Variants in MOB3B observed in about 807,000 individuals in gnomAD.
MOB3B encodes MOB kinase activator 3B.
MOB3B carries 7 observed loss-of-function variants against 18.7 expected under a neutral mutation model. The observed-to-expected ratio is 0.37, with a 90% CI of 0.21 to 0.70. The LOEUF is 0.70. MOB3B is among the 30% of genes least tolerant of loss of function. The pLI, the probability that MOB3B is intolerant of heterozygous loss-of-function variation, is 0.52. For missense variants in MOB3B, 253 were observed against 281.3 expected (o/e 0.90, Z 0.72); for synonymous variants, 111 against 99.9 (o/e 1.11, Z -0.66).
chr9:27,416,896 T>C (rs1383874814), intron 2 of MOB3B, among the ~76,000 whole-genome samples: 1 of 152,142 alleles, frequency 6.6e-6, no homozygotes, highest in Non-Finnish European at 1.5e-5. Flanking sequence ...TCCACGTCTG[T>C]AAATGTGCTT....
intron 1 of MOB3B, among the ~76,000 whole-genome samples, chr9:27,499,990 G>A (rs184013190): frequency 4.6e-5 from 7 of 152,172 alleles, no homozygotes; most frequent in African/African-American, 1.4e-4. Flanking sequence ...ATACAAAGTC[G>A]GTCTCAAGTT....
intron 1 of MOB3B, among the ~76,000 whole-genome samples, chr9:27,514,565 C>T (rs1291112893): frequency 6.6e-6 from 1 of 152,034 alleles, no homozygotes; most frequent in African/African-American, 2.4e-5. Context: ...GATTATTTTC[C>T]CAGAAGTTCC....
In MOB3B at chr9:27,458,963, T is replaced by A. The variant is rs552235089; in HGVS notation, c.-198-3215A>T. ...AGGCTGTCTCTTTAGGTCAAACTTTTGAATCTAAAATGAAGCTTTCTTAAG... is the reference window on the plus strand; with the variant it reads ...AGGCTGTCTCTTTAGGTCAAACTTTAGAATCTAAAATGAAGCTTTCTTAAG... On this transcript the variant is annotated intron_variant, in intron 1 of 3. Coordinates refer to ENST00000262244, the MANE Select transcript of MOB3B (RefSeq NM_024761.5). Among the ~76,000 whole-genome samples the A allele has an allele frequency of 9.7e-4, 147 of 152,126 alleles. 2 individuals carry two copies. The highest frequency in any genetic ancestry group is 3.4e-3 in the African/African-American group (143 of 41,470).
At chr9:27,506,743 G>C (rs1370221223) in intron 1 of MOB3B, among the ~76,000 whole-genome samples, 1 of 151,860 alleles carries the variant, frequency 6.6e-6, no homozygotes, top group Non-Finnish European at 1.5e-5. Context: ...TGTTAGCCAG[G>C]ATGGTCTCGA....
At chr9:27,411,766 T>C (rs1481777017) in intron 2 of MOB3B, among the ~76,000 whole-genome samples, 2 of 152,212 alleles carry the variant, frequency 1.3e-5, no homozygotes, top group African/African-American at 4.8e-5. Flanking sequence ...TATATGACAA[T>C]ATACATTTGC....
At chr9:27,350,188 A>G (rs1821084869) in intron 3 of MOB3B, among the ~76,000 whole-genome samples, 1 of 151,660 alleles carries the variant, frequency 6.6e-6, no homozygotes, top group Admixed American at 6.6e-5. Context: ...TAGAAAAGTG[A>G]CACATGTTTG....
chr9:27,529,034 G>A (rs550985750), intron 1 of MOB3B, among the ~76,000 whole-genome samples: 1 of 152,198 alleles, frequency 6.6e-6, no homozygotes, highest in South Asian at 2.1e-4. Flanking sequence ...CGTCAGCCCC[G>A]GGGGCGACCT....
chr9:27,420,561 AT>A (rs1822230756), intron 2 of MOB3B, among the ~76,000 whole-genome samples: 1 of 80,322 alleles, frequency 1.2e-5, no homozygotes, highest in Non-Finnish European at 2.8e-5. Flanking sequence ...ATATATATAT[AT>A]ATATATATAT....
intron 2 of MOB3B, among the ~76,000 whole-genome samples, chr9:27,360,179 C>G (rs1223843522): frequency 6.6e-6 from 1 of 152,158 alleles, no homozygotes; most frequent in Non-Finnish European, 1.5e-5. Context: ...CCTCCCTTTT[C>G]TCTACAAGGT....
In MOB3B at chr9:27,368,353, TACACACACACAC is replaced by T. The variant is rs138287792; in HGVS notation, c.419-9129_419-9118del. The stretch of plus-strand genomic sequence containing the variant: ...ATACATATATATACACACACATACA[TACACACACACAC>T]ACACACACACACACACACACATACA... On this transcript the variant is annotated intron_variant, in intron 2 of 3. Transcript: ENST00000262244. Among the ~76,000 whole-genome samples the T allele has an allele frequency of 3.4e-4, 49 of 145,984 alleles. 1 individual carries two copies. The East Asian group carries it at 5.0e-3, about 15-fold the overall frequency.
intron 2 of MOB3B, among the ~76,000 whole-genome samples, chr9:27,430,836 G>A (rs929038883): frequency 3.3e-5 from 5 of 151,078 alleles, no homozygotes; most frequent in African/African-American, 7.3e-5. Flanking sequence ...TCTTACCACC[G>A]TGACATTAAC....
At chr9:27,475,454 C>A (rs1819539750) in intron 1 of MOB3B, among the ~76,000 whole-genome samples, 2 of 152,214 alleles carry the variant, frequency 1.3e-5, no homozygotes, top group Non-Finnish European at 2.9e-5. Flanking sequence ...CTGTTTAAGC[C>A]TCATTGTTTA....
intron 2 of MOB3B, among the ~76,000 whole-genome samples, chr9:27,389,347 T>G (rs1321095045): frequency 6.8e-6 from 1 of 146,904 alleles, no homozygotes; most frequent in African/African-American, 2.5e-5. Flanking sequence ...CCTATCTCCC[T>G]GCGACCCCAC....
At chr9:27,412,914 A>T (rs1451254141) in intron 2 of MOB3B, among the ~76,000 whole-genome samples, 2 of 152,216 alleles carry the variant, frequency 1.3e-5, no homozygotes, top group Non-Finnish European at 2.9e-5. Flanking sequence ...CACAGTTGAT[A>T]GGAACATGGA....
At chr9:27,499,308 C>A (rs1563883831) in intron 1 of MOB3B, among the ~76,000 whole-genome samples, 1 of 152,152 alleles carries the variant, frequency 6.6e-6, no homozygotes, top group Non-Finnish European at 1.5e-5. Context: ...AGTCCTGTCT[C>A]TTTATGATTC....
intron 3 of MOB3B, among the ~76,000 whole-genome samples, chr9:27,352,899 A>G (rs1821126657): frequency 6.6e-6 from 1 of 152,244 alleles, no homozygotes; most frequent in African/African-American, 2.4e-5. Context: ...TTGATATGCT[A>G]TTGTACACTG....
chr9:27,363,202 T>A (rs1821298505), intron 2 of MOB3B, among the ~76,000 whole-genome samples: 1 of 152,248 alleles, frequency 6.6e-6, no homozygotes, highest in Admixed American at 6.5e-5. Context: ...TCTGTGTATG[T>A]GCAATGTCAT....
intron 2 of MOB3B, among the ~76,000 whole-genome samples, chr9:27,403,939 A>G (rs1306730068): frequency 6.6e-6 from 1 of 152,194 alleles, no homozygotes; most frequent in African/African-American, 2.4e-5. Context: ...TGTTAAGAAT[A>G]TTCAAATTCC....
chr9:27,410,324 A>G (rs1294136533), intron 2 of MOB3B, among the ~76,000 whole-genome samples: 2 of 152,188 alleles, frequency 1.3e-5, no homozygotes, highest in Non-Finnish European at 2.9e-5. Context: ...TTATTCCTAA[A>G]TGCACAGTCA....
Sources: allele counts gnomAD v4.1 joint callset (sites outside exome capture counted in the v4.1 genomes callset), GRCh38; gene constraint gnomAD v4.1.1; transcripts MANE v1.5; gene names NCBI Gene and HGNC (gene_info 2026-07-23, HGNC 2026-07-21).